Variants in LIMA1 observed in about 807,000 individuals in gnomAD.
LIMA1 encodes the protein LIM domain and actin binding 1, also known as LIM domain and actin-binding protein 1.
LIMA1 carries 52 observed loss-of-function variants against 62.6 expected under a neutral mutation model. That is an observed-to-expected ratio of 0.83 (90% CI 0.67 to 1.05). LIMA1 has a LOEUF of 1.05. Among genes scored for constraint, LIMA1 ranks in the 50% least tolerant of loss-of-function variants. The pLI is 0.00. For synonymous variants in LIMA1, 302 were observed against 317.8 expected (o/e 0.95, Z 0.53); for missense variants, 780 against 902.2 (o/e 0.86, Z 1.74).
At chr12:50,249,486 A>G (rs1180515095) in intron 1 of LIMA1, among the ~76,000 whole-genome samples, 1 of 152,158 alleles carries the variant, frequency 6.6e-6, no homozygotes, top group Non-Finnish European at 1.5e-5. Context: ...GACTCTTGTT[A>G]TAATTCTCAT....
At chr12:50,218,538 T>A (rs1484053742) in intron 4 of LIMA1, among the ~76,000 whole-genome samples, 8 of 152,148 alleles carry the variant, frequency 5.3e-5, no homozygotes, top group Non-Finnish European at 2.9e-5. Context: ...ACACTTCCCA[T>A]GGCGTGCTTC....
At chr12:50,237,582 A>G (rs1487066892) in intron 2 of LIMA1, among the ~76,000 whole-genome samples, 2 of 152,192 alleles carry the variant, frequency 1.3e-5, no homozygotes. Context: ...GGTTGCAGTA[A>G]GCTGAGATCA....
chr12:50,233,331 GAAATTAGTTAAGTCCATACAGC>G (rs1373368134), intron 2 of LIMA1, among the ~76,000 whole-genome samples: 6 of 149,724 alleles, frequency 4.0e-5, no homozygotes, highest in Non-Finnish European at 7.5e-5. Flanking sequence ...AAAACATTTT[GAAATTAGTTAAGTCCATACAGC>G]AATGCATTAA....
chr12:50,254,980 G>C (rs1051149362), intron 1 of LIMA1, among the ~76,000 whole-genome samples: 1 of 151,290 alleles, frequency 6.6e-6, no homozygotes, highest in Non-Finnish European at 1.5e-5. Context: ...GAAAAATTGT[G>C]TCACTGCACT....
chr12:50,202,113 C>T (rs1297362986), intron 6 of LIMA1: 2 of 152,172 alleles, frequency 1.3e-5, no homozygotes, highest in African/African-American at 4.8e-5. Context: ...TTACGACCCA[C>T]AGCACCGGAG....
intron 2 of LIMA1, among the ~76,000 whole-genome samples, chr12:50,234,397 C>T (rs1183757076): frequency 6.6e-6 from 1 of 151,906 alleles, no homozygotes; most frequent in Non-Finnish European, 1.5e-5. Flanking sequence ...TTAGTAGAGA[C>T]AGGGTTTCAC....
chr12:50,217,746 G>T, intron 4 of LIMA1: 1 of 327,038 alleles, frequency 3.1e-6, no homozygotes, highest in East Asian at 9.1e-5. Flanking sequence ...TCATGACCTT[G>T]ATTCCTGACT....
chr12:50,263,833 A>AGT, intron 1 of LIMA1, among the ~76,000 whole-genome samples: 1 of 112,986 alleles, frequency 8.9e-6, no homozygotes. Context: ...ATATAGAGAG[A>AGT]GTATATATAT....
chr12:50,253,205 C>T (rs1941952473), intron 1 of LIMA1, among the ~76,000 whole-genome samples: 1 of 152,062 alleles, frequency 6.6e-6, no homozygotes, highest in African/African-American at 2.4e-5. Flanking sequence ...TACATGTCAG[C>T]AAGAGAAATC....
At chr12:50,205,366 C>T (rs1941132523) in intron 5 of LIMA1, among the ~76,000 whole-genome samples, 1 of 151,876 alleles carries the variant, frequency 6.6e-6, no homozygotes, top group South Asian at 2.1e-4. Context: ...AGCCACCATG[C>T]CTGGGCTCGT....
Position 50,194,819 on chromosome 12 carries a change from G to A in LIMA1, c.1030+1011C>T, listed in dbSNP as rs532066314. On this transcript the variant is annotated intron_variant, in intron 8 of 10. Transcript: ENST00000341247. ...TCCTAGCACTTTGTGAGGCCGAGGC[G>A]GGTGGATTGCCTGAGCTCAGGAGTT... Among the ~76,000 whole-genome samples the A allele has an allele frequency of 1.9e-3, 288 of 152,136 alleles. 1 individual carries two copies. Among genetic ancestry groups the A allele is most frequent in the African/African-American group, 6.4e-3 (267 of 41,526 alleles).
intron 4 of LIMA1, among the ~76,000 whole-genome samples, chr12:50,206,393 G>A (rs1000960880): frequency 6.6e-6 from 1 of 152,082 alleles, no homozygotes; most frequent in Non-Finnish European, 1.5e-5. Flanking sequence ...TGCAGAATCT[G>A]CTGTTTCCTT....
At chr12:50,199,366 T>C (rs1246757416) in intron 7 of LIMA1, among the ~76,000 whole-genome samples, 1 of 152,100 alleles carries the variant, frequency 6.6e-6, no homozygotes, top group Non-Finnish European at 1.5e-5. Context: ...TCCTCAGCCA[T>C]CATCTCTGGT....
intron 1 of LIMA1, among the ~76,000 whole-genome samples, chr12:50,273,046 T>A (rs1327840162): frequency 1.4e-5 from 2 of 146,848 alleles, no homozygotes; most frequent in Non-Finnish European, 3.0e-5. Flanking sequence ...CAAGACTCTG[T>A]CTCAAAAAAA....
At chr12:50,192,822 T>C (rs1373373388) in intron 8 of LIMA1, among the ~76,000 whole-genome samples, 1 of 152,210 alleles carries the variant, frequency 6.6e-6, no homozygotes, top group African/African-American at 2.4e-5. Context: ...AACCACTCTG[T>C]ATAAAGAACT....
At chr12:50,180,878 C>T (rs554166704) in intron 10 of LIMA1, among the ~76,000 whole-genome samples, 5 of 151,954 alleles carry the variant, frequency 3.3e-5, no homozygotes, top group Admixed American at 6.6e-5. Context: ...TTTGGGAGGC[C>T]GAGGCGGGTG....
At chr12:50,243,018 A>T (rs1393009020) in intron 2 of LIMA1, among the ~76,000 whole-genome samples, 1 of 152,244 alleles carries the variant, frequency 6.6e-6, no homozygotes, top group Non-Finnish European at 1.5e-5. Flanking sequence ...ATGAAGGATC[A>T]TATTATGCTG....
At chr12:50,203,601 T>A (rs754780655) in intron 6 of LIMA1, among the ~76,000 whole-genome samples, 1 of 151,818 alleles carries the variant, frequency 6.6e-6, no homozygotes, top group African/African-American at 2.4e-5. Flanking sequence ...TTAGTAGAGA[T>A]GGGGTTTCAC....
At position 50,208,995 on chromosome 12, in the gene LIMA1, T is replaced by TC. The variant is rs1409482536; in HGVS notation, c.631-2928_631-2927insG. Among the ~76,000 whole-genome samples, 10 of 148,662 alleles carry TC rather than the reference T, an allele frequency of 6.7e-5. 2 individuals are homozygous for TC. In the South Asian group the frequency reaches 1.3e-3, roughly 19 times the overall value. On this transcript the variant is annotated intron_variant, in intron 4 of 10. Transcript: ENST00000341247. ...TAAGTCTATTTTTTCTTTCTTTCTTTTTTTTTTTTTTTTACAGTAGAGACA... is the reference window on the plus strand; with the variant it reads ...TAAGTCTATTTTTTCTTTCTTTCTTTCTTTTTTTTTTTTTACAGTAGAGACA...
Sources: gnomAD v4.1 joint callset for allele counts (sites outside exome capture counted in the v4.1 genomes callset) on GRCh38, gnomAD v4.1.1 for gene constraint, MANE v1.5 for transcripts, NCBI Gene and HGNC (gene_info 2026-07-23, HGNC 2026-07-21) for gene names.